The following SH3TC2 variants were observed in gnomAD, a reference collection of about 807,000 sequenced individuals.
SH3TC2 encodes SH3 domain and tetratricopeptide repeat-containing protein 2.
In SH3TC2, 87 loss-of-function variants were observed where a neutral mutation model predicts 124.5. The ratio of observed to expected loss-of-function variants is 0.70; its 90% CI spans 0.59 to 0.84. The LOEUF is 0.84. Ranked by LOEUF, SH3TC2 falls within the 40% of genes least tolerant of loss-of-function variation. SH3TC2 has a pLI of 0.00. For missense variants in SH3TC2, 1,536 were observed against 1,566.4 expected, an observed-to-expected ratio of 0.98 and a Z score of 0.33; for synonymous variants, 634 against 628.5, an observed-to-expected ratio of 1.01 and a Z score of -0.13.
In SH3TC2 at chr5:149,046,619, T is replaced by C. The variant is rs551658441; in HGVS notation, c.279+1243A>G. 1.1e-4 allele frequency: 17 copies of C among 152,066 alleles called. No individual in the cohort carries two copies. The East Asian group carries it at 3.1e-3, about 28-fold the overall frequency. 9.4% of individuals were successfully genotyped at this position (152,066 alleles called of 1,614,324 possible). A position where few individuals can be genotyped will look rare whatever the true frequency, so the allele number is the denominator to read the frequency against. ...ATTGTCCAAGGTCACCTTCAGGGAG[T>C]AAGCTGCGGAGCCTTGATTAGATTT... On this transcript the variant is annotated intron_variant, in intron 3 of 16. Coordinates refer to ENST00000515425, the MANE Select transcript of SH3TC2 (RefSeq NM_024577.4).
In SH3TC2 at chr5:149,040,593, C is replaced by A. The variant is rs1754352788; in HGVS notation, c.805+11G>T. The A allele has an allele frequency of 3.1e-6, 5 of 1,611,480 alleles. No individual in the cohort carries two copies. In the South Asian group the frequency reaches 5.5e-5, roughly 18 times the overall value. On this transcript the variant is annotated intron_variant, in intron 7 of 16. Coordinates refer to ENST00000515425, the MANE Select transcript of SH3TC2 (RefSeq NM_024577.4). The stretch of plus-strand genomic sequence containing the variant: ...CTCCCTAACAATACTATGTTTTTGA[C>A]TCAGCCATACCAATCTGATAGGAGC...
At position 149,004,991 on chromosome 5, in the gene SH3TC2, T is replaced by C. The variant is rs929961130; in HGVS notation, c.3676-89A>G. The C allele has an allele frequency of 3.4e-4, 488 of 1,452,482 alleles. 1 individual carries two copies. Among genetic ancestry groups the C allele is most frequent in the South Asian group, 1.2e-3 (100 of 84,796 alleles). 90.0% of individuals were successfully genotyped at this position (1,452,482 alleles called of 1,614,324 possible). The stretch of plus-strand genomic sequence containing the variant: ...GAGGCTGTGCTGGCCACTCTAGTTT[T>C]TTTTGTTTGTTTGTTTGTTTGTTTG... On this transcript the variant is annotated intron_variant, in intron 16 of 16. Coordinates refer to ENST00000515425, the MANE Select transcript of SH3TC2 (RefSeq NM_024577.4).
chr5:149,013,772 A>C (rs933651433), intron 12 of SH3TC2, among the ~76,000 whole-genome samples: 5 of 152,194 alleles, frequency 3.3e-5, no homozygotes, highest in Non-Finnish European at 5.9e-5. Flanking sequence ...GTATTCAAAA[A>C]CAAGGAAGGA....
At chr5:149,040,155 G>A (rs910059475) in intron 7 of SH3TC2, among the ~76,000 whole-genome samples, 2 of 152,114 alleles carry the variant, frequency 1.3e-5, no homozygotes, top group African/African-American at 2.4e-5. Context: ...GTACCCTTAT[G>A]TGCCAGGCAT....
chr5:149,051,517 T>G (rs1754556328), intron 2 of SH3TC2, among the ~76,000 whole-genome samples: 1 of 152,142 alleles, frequency 6.6e-6, no homozygotes, highest in Non-Finnish European at 1.5e-5. Flanking sequence ...AATGGTGCAA[T>G]TACAGCTTAC....
chr5:149,055,392 C>T (rs1467860441), intron 1 of SH3TC2, among the ~76,000 whole-genome samples: 1 of 151,630 alleles, frequency 6.6e-6, no homozygotes, highest in Non-Finnish European at 1.5e-5. Flanking sequence ...TCACCAATGA[C>T]AATATTCAAA....
At position 149,027,535 on chromosome 5, in the gene SH3TC2, A is replaced by C; in HGVS notation, c.2197T>G (p.Ser733Ala). 2 of 1,614,210 alleles carry C rather than the reference A, an allele frequency of 1.2e-6. No homozygotes were observed. The highest frequency in any genetic ancestry group is 1.7e-6 in the Non-Finnish European group (2 of 1,180,034). Residue 733 changes from serine (S) to alanine (A), a missense_variant, in exon 11 of 17, where the codon TCT becomes GCT. Coordinates refer to ENST00000515425, the MANE Select transcript of SH3TC2 (RefSeq NM_024577.4). The part of the protein sequence containing the change: ...GFPSPGWGEV[S>A]ALACPMLRQA... ...CTGAGCATTGGGCAGGCCAAGGCAG[A>C]AACTTCACCCCAGCCTGGGGAAGGA... is the stretch of plus-strand genomic sequence containing the variant.
intron 12 of SH3TC2, among the ~76,000 whole-genome samples, chr5:149,020,814 G>C (rs1753956272): frequency 6.6e-6 from 1 of 152,068 alleles, no homozygotes; most frequent in South Asian, 2.1e-4. Context: ...TGTAGAAAAA[G>C]CTGACAGAAT....
chr5:149,000,555 T>C lies in SH3TC2; in HGVS notation c.*4156A>G, dbSNP rs1270365286. 6.6e-6 allele frequency among the ~76,000 whole-genome samples: 1 copy of C among 152,230 alleles called. No individual in the cohort carries two copies. Among genetic ancestry groups the C allele is most frequent in the Admixed American group, 6.5e-5 (1 of 15,286 alleles). Reference sequence around the variant, plus strand: ...ATAGACTAGTCATCCCTTATAAAAATAAGTTAATATGAGTAAAAGAAGTAA... The same window carrying C: ...ATAGACTAGTCATCCCTTATAAAAACAAGTTAATATGAGTAAAAGAAGTAA... On this transcript the variant is annotated 3_prime_UTR_variant, in exon 17 of 17. Coordinates refer to ENST00000515425, the MANE Select transcript of SH3TC2 (RefSeq NM_024577.4).
intron 12 of SH3TC2, among the ~76,000 whole-genome samples, chr5:149,016,452 G>T (rs1195972888): frequency 6.6e-6 from 1 of 152,130 alleles, no homozygotes; most frequent in Admixed American, 6.5e-5. Flanking sequence ...AACTGGGGTG[G>T]TAGTGTGCAT....
intron 9 of SH3TC2, 66 bp from the exon 10 acceptor site, chr5:149,028,784 G>GA: frequency 6.5e-7 from 1 of 1,546,782 alleles, no homozygotes. Context: ...ATGCCTCCAG[G>GA]TGTACCCCAG....
intron 3 of SH3TC2, 133 bp downstream of exon 3, chr5:149,047,729 T>C: frequency 8.5e-7 from 1 of 1,175,644 alleles, no homozygotes; most frequent in Non-Finnish European, 1.3e-6. Context: ...GAATCTTTCA[T>C]TCATTCAGTC....
chr5:149,027,115 G>A lies in SH3TC2; in HGVS notation c.2617C>T (p.His873Tyr). The change falls in exon 11 of 17, where the codon CAT becomes TAT. Residue 873 changes from histidine to tyrosine, a missense_variant. His to Tyr is a moderately conservative substitution (Grantham distance 83, BLOSUM62 2). Around this residue, in one of 3 missense-constraint regions of SH3TC2, gnomAD observed 1,102 missense variants for 1,098.6 expected, o/e 1.00. Transcript: ENST00000515425. Reference sequence around the variant, plus strand: ...TTGGCCATAGCCACTGCCTGGTTATGCACATCTCCCACCTCCTGGGCTCTG... The same window carrying A: ...TTGGCCATAGCCACTGCCTGGTTATACACATCTCCCACCTCCTGGGCTCTG... ...LNRAQEVGDV[H>Y]NQAVAMANLG... 1 of 1,614,156 alleles carries A rather than the reference G, an allele frequency of 6.2e-7. No individual in the cohort carries two copies. Among genetic ancestry groups the A allele is most frequent in the South Asian group, 1.1e-5 (1 of 91,086 alleles).
rs546482922 is a variant in SH3TC2 at position 149,017,526 on chromosome 5, A to C, written c.3054-4792T>G. 3.2e-4 allele frequency among the ~76,000 whole-genome samples: 48 copies of C among 152,080 alleles called. No individual in the cohort carries two copies. In the South Asian group the frequency reaches 3.7e-3, roughly 12 times the overall value. On this transcript the variant is annotated intron_variant, in intron 12 of 16. Transcript: ENST00000515425. ...TATCTACCTGTGTGCCCCCCGCCCC[A>C]CACACACACACCATAACCCACTTCT...
At chr5:149,040,271 C>T (rs1754346383) in intron 7 of SH3TC2, among the ~76,000 whole-genome samples, 1 of 152,164 alleles carries the variant, frequency 6.6e-6, no homozygotes, top group Non-Finnish European at 1.5e-5. Context: ...GCATTTGGCT[C>T]ACGAAACATT....
chr5:148,995,580 C>T lies in SH3TC2; in HGVS notation c.*9131G>A, dbSNP rs1277633394. 6.6e-6 allele frequency among the ~76,000 whole-genome samples: 1 copy of T among 152,192 alleles called. No homozygotes were observed. Among genetic ancestry groups the T allele is most frequent in the African/African-American group, 2.4e-5 (1 of 41,454 alleles). On this transcript the variant is annotated 3_prime_UTR_variant, in exon 17 of 17. Transcript: ENST00000515425. ...CTATATATGTGAGCAGCCCTATCAC[C>T]TGATTTCTCAATCACTCATGAGCAA...
At position 149,042,337 on chromosome 5, in the gene SH3TC2, G is replaced by T. The variant is rs111528632; in HGVS notation, c.529+357C>A. ...CAAATTTTATCACGTTTGGAAAAGG[G>T]TTTCTCGATTTTGGGTAGACATTAG... On this transcript the variant is annotated intron_variant, in intron 5 of 16. Transcript: ENST00000515425. 9.2e-5 allele frequency among the ~76,000 whole-genome samples: 14 copies of T among 152,298 alleles called. 1 individual carries two copies. The highest frequency in any genetic ancestry group is 3.1e-4 in the African/African-American group (13 of 41,554).
Position 148,988,571 on chromosome 5 carries a change from C to T in SH3TC2, c.*16140G>A, listed in dbSNP as rs1397326136. On this transcript the variant is annotated 3_prime_UTR_variant, in exon 17 of 17. Transcript: ENST00000515425. The stretch of plus-strand genomic sequence containing the variant: ...CAAGCCACATGGAGTCGACATGGCT[C>T]ACGGCTCCAGTTGATCACAGCCCCA... Among the ~76,000 whole-genome samples, 4 of 152,174 alleles carry T rather than the reference C, an allele frequency of 2.6e-5. No homozygotes were observed. Among genetic ancestry groups the T allele is most frequent in the Non-Finnish European group, 4.4e-5 (3 of 68,030 alleles).
chr5:149,052,003 T>C, intron 2 of SH3TC2, 139 bp downstream of exon 2: 1 of 721,962 alleles, frequency 1.4e-6, no homozygotes, highest in South Asian at 1.4e-5. Context: ...CAACAGAAGA[T>C]TTGTGAGCAA....
Sources: allele counts gnomAD v4.1 joint callset (sites outside exome capture counted in the v4.1 genomes callset), GRCh38; gene constraint gnomAD v4.1.1; regional missense constraint gnomAD v4.1.1; transcripts MANE v1.5; gene names NCBI Gene and HGNC (gene_info 2026-07-23, HGNC 2026-07-21).